Variants in GLCCI1 observed in about 807,000 individuals in gnomAD.
GLCCI1 encodes the protein glucocorticoid-induced transcript 1 protein.
Under a neutral mutation model 52.2 loss-of-function variants are expected in GLCCI1, and 24 were observed. The ratio of observed to expected loss-of-function variants is 0.46; its 90% CI spans 0.33 to 0.65. The LOEUF (loss-of-function observed/expected upper bound fraction) is 0.65. Ranked by LOEUF, GLCCI1 falls within the 30% of genes least tolerant of loss-of-function variation. GLCCI1 has a pLI of 0.02. For synonymous variants in GLCCI1, 310 were observed against 276.5 expected, an observed-to-expected ratio of 1.12 and a Z score of -1.20; for missense variants, 704 against 701.5, an observed-to-expected ratio of 1.00 and a Z score of -0.04.
At chr7:7,992,172 C>T (rs143341210) in intron 1 of GLCCI1, among the ~76,000 whole-genome samples, 3 of 149,190 alleles carry the variant, frequency 2.0e-5, no homozygotes, top group Admixed American at 1.4e-4. Flanking sequence ...TAATAACTCA[C>T]ATTTAGTTAT....
chr7:7,981,009 CGAA>C, intron 1 of GLCCI1: 5 of 519,624 alleles, frequency 9.6e-6, no homozygotes, highest in South Asian at 8.2e-5. Context: ...GAAGGTCAGC[CGAA>C]GAAGTAGAAG....
At chr7:8,046,115 A>T (rs1332105541) in intron 3 of GLCCI1, among the ~76,000 whole-genome samples, 1 of 152,222 alleles carries the variant, frequency 6.6e-6, no homozygotes, top group Non-Finnish European at 1.5e-5. Context: ...TGTTGGATGG[A>T]TTAAAGTCAA....
intron 3 of GLCCI1, among the ~76,000 whole-genome samples, chr7:8,031,703 T>G (rs73050947): frequency 0.01 from 1,536 of 151,824 alleles, 14 homozygotes; most frequent in Non-Finnish European, 0.016. Flanking sequence ...ATTAAAAAAT[T>G]TTTTTAAATA....
chr7:8,070,832 A>C (rs1782745142), intron 5 of GLCCI1, 89 bp from the exon 6 acceptor site: 1 of 1,161,440 alleles, frequency 8.6e-7, no homozygotes, highest in Admixed American at 2.0e-5. Flanking sequence ...GTAGTGGTGG[A>C]ATATGAAATC....
At chr7:7,987,618 C>T (rs546426397) in intron 1 of GLCCI1, among the ~76,000 whole-genome samples, 6 of 152,218 alleles carry the variant, frequency 3.9e-5, no homozygotes, top group South Asian at 2.1e-4. Context: ...GACAGAGTCT[C>T]GCTCTGTTGC....
chr7:8,024,605 C>T (rs564747466), intron 3 of GLCCI1: 10 of 152,140 alleles, frequency 6.6e-5, no homozygotes, highest in African/African-American at 2.4e-4. Flanking sequence ...GTTTTTAATA[C>T]TGTTGTGTTG....
In GLCCI1 at chr7:8,046,811, G is replaced by A. The variant is rs904176675; in HGVS notation, c.697-8622G>A. On this transcript the variant is annotated intron_variant, in intron 3 of 7. Coordinates refer to ENST00000223145, the MANE Select transcript of GLCCI1 (RefSeq NM_138426.4). ...CATGGGCCATGGTCACTCATATTTG[G>A]CTCAGAATAAATACCTTCAAATACA... Among the ~76,000 whole-genome samples, 3 of 152,086 alleles carry A rather than the reference G, an allele frequency of 2.0e-5. No homozygotes were observed. The East Asian group carries it at 5.8e-4, about 29-fold the overall frequency.
chr7:8,039,420 A>G lies in GLCCI1; in HGVS notation c.697-16013A>G, dbSNP rs181331090. Among the ~76,000 whole-genome samples, 28 of 152,318 alleles carry G rather than the reference A, an allele frequency of 1.8e-4. No individual in the cohort carries two copies. The East Asian group carries it at 4.2e-3, about 23-fold the overall frequency. ...AATGTGTGTCTGTGTGTGTGTATAT[A>G]TATGTATATACACACACCACGGAAT... On this transcript the variant is annotated intron_variant, in intron 3 of 7. Coordinates refer to ENST00000223145, the MANE Select transcript of GLCCI1 (RefSeq NM_138426.4).
chr7:8,007,412 G>A (rs1341090418), intron 2 of GLCCI1, among the ~76,000 whole-genome samples: 4 of 152,158 alleles, frequency 2.6e-5, no homozygotes, highest in Admixed American at 2.6e-4. Context: ...AGACCTGGCT[G>A]ATTCTAAAGC....
chr7:8,041,991 A>C (rs1167542519), intron 3 of GLCCI1, among the ~76,000 whole-genome samples: 1 of 152,210 alleles, frequency 6.6e-6, no homozygotes, highest in Non-Finnish European at 1.5e-5. Context: ...TATAAAGTGG[A>C]AGAACAAAGC....
At chr7:8,079,166 A>T (rs1782937944) in intron 6 of GLCCI1, among the ~76,000 whole-genome samples, 1 of 151,960 alleles carries the variant, frequency 6.6e-6, no homozygotes, top group Non-Finnish European at 1.5e-5. Flanking sequence ...AAATATGTAT[A>T]ATGCACTGAT....
At chr7:8,001,731 A>C (rs1339355806) in intron 1 of GLCCI1, among the ~76,000 whole-genome samples, 2 of 152,250 alleles carry the variant, frequency 1.3e-5, no homozygotes, top group African/African-American at 4.8e-5. Flanking sequence ...AGACTGGATT[A>C]AGAAAATGTG....
Position 8,084,958 on chromosome 7 carries a change from C to T in GLCCI1, c.1239C>T (p.Tyr413=). 6.2e-7 allele frequency: 1 copy of T among 1,614,110 alleles called. No homozygotes were observed. The highest frequency in any genetic ancestry group is 8.5e-7 in the Non-Finnish European group (1 of 1,179,978). The change falls in exon 7 of 8, where the codon TAC becomes TAT. Residue 413 remains tyrosine (Y), a synonymous_variant. Transcript: ENST00000223145. ...YASSPKPNNS[Y]MFKREPPEGC... is the part of the protein sequence containing the mutation. ...CATCTCCCAAACCAAACAACAGCTA[C>T]ATGTTCAAACGGGAGCCCCCAGAGG...
At chr7:8,056,392 T>C (rs946959094) in intron 4 of GLCCI1, among the ~76,000 whole-genome samples, 1 of 152,228 alleles carries the variant, frequency 6.6e-6, no homozygotes, top group African/African-American at 2.4e-5. Context: ...CCTTCATTTA[T>C]TGAGCAACTA....
Position 8,086,660 on chromosome 7 carries a change from G to GTATC in GLCCI1, c.*124_*127dup, listed in dbSNP as rs1783112990. On this transcript the variant is annotated 3_prime_UTR_variant, in exon 8 of 8. Coordinates refer to ENST00000223145, the MANE Select transcript of GLCCI1 (RefSeq NM_138426.4). The surrounding 1 kb of genome is among the most constrained non-coding windows in gnomAD (Gnocchi z 4.4). ...CAATAATACTTATCAGCATCATAAA[G>GTATC]TATCTCTTAAACACTGATCTTGGCA... 7.4e-6 allele frequency: 6 copies of GTATC among 807,006 alleles called. No homozygotes were observed. The highest frequency in any genetic ancestry group is 1.2e-5 in the Non-Finnish European group (6 of 512,838). 50.0% of individuals were successfully genotyped at this position (807,006 alleles called of 1,614,324 possible). A position where few individuals can be genotyped will look rare whatever the true frequency, so the allele number is the denominator to read the frequency against.
chr7:8,060,361 T>C, intron 5 of GLCCI1, 113 bp downstream of exon 5: 1 of 790,358 alleles, frequency 1.3e-6, no homozygotes. Context: ...CCATCCAGTT[T>C]ACTCATTTAG....
chr7:7,981,846 G>A (rs1780628408), intron 1 of GLCCI1: 1 of 437,352 alleles, frequency 2.3e-6, no homozygotes, highest in Non-Finnish European at 4.6e-6. Flanking sequence ...AAAATATAAT[G>A]TTGTACTAGA....
At chr7:8,003,882 C>G (rs1781095349) in intron 1 of GLCCI1, 26 bp from the exon 2 acceptor site, 1 of 1,595,598 alleles carries the variant, frequency 6.3e-7, no homozygotes, top group Non-Finnish European at 8.5e-7. Context: ...TCACTAATGA[C>G]TAATCTTTTT....
intron 3 of GLCCI1, among the ~76,000 whole-genome samples, chr7:8,026,808 G>A (rs1486297727): frequency 6.6e-6 from 1 of 152,224 alleles, no homozygotes; most frequent in Non-Finnish European, 1.5e-5. Flanking sequence ...GAGAGAGACA[G>A]ACAAGACAGA....
Sources: allele counts gnomAD v4.1 joint callset (sites outside exome capture counted in the v4.1 genomes callset), GRCh38; gene constraint gnomAD v4.1.1; non-coding constraint Gnocchi (gnomAD v3.1); transcripts MANE v1.5; gene names NCBI Gene and HGNC (gene_info 2026-07-23, HGNC 2026-07-21).